CATSPERE: variants seen among roughly 807,000 people sequenced by gnomAD.
The protein encoded by CATSPERE is catsper channel auxiliary subunit epsilon.
CATSPERE carries 93 observed loss-of-function variants against 114.1 expected under a neutral mutation model. The ratio of observed to expected loss-of-function variants is 0.81; its 90% CI spans 0.69 to 0.97. CATSPERE has a LOEUF of 0.97. Among genes scored for constraint, CATSPERE ranks in the 50% least tolerant of loss-of-function variants. The pLI, the probability that CATSPERE is intolerant of heterozygous loss-of-function variation, is 0.00. For missense variants in CATSPERE, 1,058 were observed against 1,131.6 expected (o/e 0.93, Z 0.93); for synonymous variants, 341 against 384.1 (o/e 0.89, Z 1.31).
chr1:244,455,953 G>A (rs896362028), intron 1 of CATSPERE, among the ~76,000 whole-genome samples: 2 of 152,314 alleles, frequency 1.3e-5, no homozygotes, highest in African/African-American at 4.8e-5. Flanking sequence ...GAGAGCTTTG[G>A]TGTATAACAA....
chr1:244,526,313 G>A (rs1266379608), intron 8 of CATSPERE, among the ~76,000 whole-genome samples: 1 of 152,008 alleles, frequency 6.6e-6, no homozygotes. Context: ...GGAGGCTGAG[G>A]TAGGAAGAAT....
chr1:244,588,119 G>T (rs753019472), intron 13 of CATSPERE, among the ~76,000 whole-genome samples: 3 of 151,502 alleles, frequency 2.0e-5, no homozygotes, highest in Non-Finnish European at 2.9e-5. Flanking sequence ...GCTTGAACTC[G>T]GGTGGCGTAG....
chr1:244,456,543 T>C (rs1391553471), upstream of CATSPERE, among the ~76,000 whole-genome samples: 1 of 152,214 alleles, frequency 6.6e-6, no homozygotes, highest in Non-Finnish European at 1.5e-5. Flanking sequence ...AGTAATCTTT[T>C]GGAAATAAAG....
chr1:244,559,934 GTAT>G (rs1662291206), intron 9 of CATSPERE, among the ~76,000 whole-genome samples: 1 of 152,112 alleles, frequency 6.6e-6, no homozygotes, highest in African/African-American at 2.4e-5. Context: ...TATGCCTGAA[GTAT>G]TATTCAAAAA....
chr1:244,581,511 C>A (rs748987750), intron 11 of CATSPERE, among the ~76,000 whole-genome samples: 10 of 152,132 alleles, frequency 6.6e-5, no homozygotes, highest in Non-Finnish European at 1.5e-4. Flanking sequence ...TGGAAAATGT[C>A]AAACATACAG....
chr1:244,551,769 G>A (rs1660664814), intron 8 of CATSPERE, among the ~76,000 whole-genome samples: 1 of 152,078 alleles, frequency 6.6e-6, no homozygotes, highest in South Asian at 2.1e-4. Flanking sequence ...GAGCATATAA[G>A]AATGTTTACT....
At chr1:244,637,556 C>A (rs1033749694) in intron 21 of CATSPERE, among the ~76,000 whole-genome samples, 1 of 152,144 alleles carries the variant, frequency 6.6e-6, no homozygotes, top group Non-Finnish European at 1.5e-5. Flanking sequence ...TGACACCCAC[C>A]GCAACCCCCC....
At chr1:244,557,758 T>G (rs1209645929) in intron 9 of CATSPERE, among the ~76,000 whole-genome samples, 1 of 151,024 alleles carries the variant, frequency 6.6e-6, no homozygotes, top group African/African-American at 2.4e-5. Context: ...CTTCAGATGT[T>G]TCTTCAACCT....
At chr1:244,525,984 T>C (rs1678524894) in intron 8 of CATSPERE, among the ~76,000 whole-genome samples, 1 of 152,206 alleles carries the variant, frequency 6.6e-6, no homozygotes, top group African/African-American at 2.4e-5. Context: ...AGTGTTGGCC[T>C]CATCTGTGGC....
At chr1:244,557,172 T>G (rs1661712423) in intron 9 of CATSPERE, among the ~76,000 whole-genome samples, 1 of 152,082 alleles carries the variant, frequency 6.6e-6, no homozygotes, top group Admixed American at 6.6e-5. Context: ...TTAAACTTTG[T>G]TCTTCTTCGA....
chr1:244,610,569 T>C, intron 19 of CATSPERE: 3 of 579,130 alleles, frequency 5.2e-6, no homozygotes, highest in South Asian at 5.0e-5. Context: ...TTGCAGATTA[T>C]TAAATATGTG....
chr1:244,557,500 A>G (rs1291335715), intron 9 of CATSPERE, among the ~76,000 whole-genome samples: 16 of 130,546 alleles, frequency 1.2e-4, no homozygotes, highest in Non-Finnish European at 6.6e-5. Flanking sequence ...ATTTATTTAT[A>G]TATATGTATA....
intron 8 of CATSPERE, among the ~76,000 whole-genome samples, chr1:244,529,840 A>C (rs1021860101): frequency 6.6e-6 from 1 of 152,042 alleles, no homozygotes; most frequent in African/African-American, 2.4e-5. Context: ...TAGTAGTTTT[A>C]TAGTTTGAGG....
At chr1:244,592,828 C>G (rs1344953762) in intron 15 of CATSPERE, among the ~76,000 whole-genome samples, 1 of 152,112 alleles carries the variant, frequency 6.6e-6, no homozygotes, top group Non-Finnish European at 1.5e-5. Context: ...GAGTCTGTCC[C>G]CTGCAACGTG....
At chr1:244,451,562 G>T (rs531657907), upstream of CATSPERE, 44 of 1,485,866 alleles carry the variant, frequency 3.0e-5, no homozygotes, top group Admixed American at 5.8e-4. This position sits in a 1 kb window ranked among gnomAD's most constrained non-coding sequence, Gnocchi z 6.6. Context: ...CTGGGTCCGA[G>T]TTCCCGGGCA....
chr1:244,546,484 A>G (rs1000369672), intron 8 of CATSPERE, among the ~76,000 whole-genome samples: 2 of 152,260 alleles, frequency 1.3e-5, no homozygotes, highest in Non-Finnish European at 2.9e-5. Flanking sequence ...TAAAGTGCCA[A>G]TGACTGGCCC....
intron 19 of CATSPERE, among the ~76,000 whole-genome samples, chr1:244,612,874 G>A (rs955999050): frequency 2.6e-5 from 4 of 152,118 alleles, no homozygotes; most frequent in South Asian, 2.1e-4. Context: ...GTGGGCTTTC[G>A]CATGAAAAAA....
At chr1:244,519,194 T>C (rs1677123031) in intron 8 of CATSPERE, among the ~76,000 whole-genome samples, 1 of 152,152 alleles carries the variant, frequency 6.6e-6, no homozygotes, top group East Asian at 1.9e-4. Flanking sequence ...CAATAATCTT[T>C]CATTTAGTGC....
intron 21 of CATSPERE, among the ~76,000 whole-genome samples, chr1:244,636,324 G>A (rs770951030): frequency 4.6e-5 from 7 of 152,088 alleles, no homozygotes; most frequent in Non-Finnish European, 7.4e-5. Context: ...GAGGGGAGAG[G>A]ATTGTTAAAT....
Sources: allele counts gnomAD v4.1 joint callset (sites outside exome capture counted in the v4.1 genomes callset), GRCh38; gene constraint gnomAD v4.1.1; non-coding constraint Gnocchi (gnomAD v3.1); transcripts MANE v1.5; gene names NCBI Gene and HGNC (gene_info 2026-07-23, HGNC 2026-07-21).